The following RYR3 variants were observed in gnomAD, a reference collection of about 807,000 sequenced individuals.
The protein encoded by RYR3 is ryanodine receptor 3.
A neutral mutation model predicts 584.3 loss-of-function variants in RYR3; 207 were observed. The observed-to-expected ratio is 0.35, with a 90% CI of 0.32 to 0.40. The LOEUF is 0.40. Among genes scored for constraint, RYR3 ranks in the 10% least tolerant of loss-of-function variants. The pLI is 1.00. For synonymous variants in RYR3, 2,416 were observed against 2,248.5 expected, an observed-to-expected ratio of 1.07 and a Z score of -2.11; for missense variants, 5,616 against 6,089.2, an observed-to-expected ratio of 0.92 and a Z score of 2.59.
At chr15:33,584,855 C>T (rs967116215) in intron 15 of RYR3, among the ~76,000 whole-genome samples, 1 of 151,378 alleles carries the variant, frequency 6.6e-6, no homozygotes, top group African/African-American at 2.4e-5. Flanking sequence ...TTTTTAAACC[C>T]TTTTCAATGG....
intron 60 of RYR3, among the ~76,000 whole-genome samples, chr15:33,761,689 G>C (rs555192215): frequency 1.2e-4 from 18 of 152,266 alleles, no homozygotes; most frequent in Non-Finnish European, 4.4e-5. Flanking sequence ...AGAGGAGCTG[G>C]TACCATTTCT....
At chr15:33,623,673 T>C in intron 19 of RYR3, 134 bp from the exon 20 acceptor site, 2 of 645,176 alleles carry the variant, frequency 3.1e-6, no homozygotes, top group Non-Finnish European at 5.4e-6. Flanking sequence ...TTTGCTGTGG[T>C]TAACCTGAAG....
intron 10 of RYR3, among the ~76,000 whole-genome samples, chr15:33,557,446 G>A (rs904699745): frequency 9.9e-5 from 15 of 152,084 alleles, no homozygotes; most frequent in African/African-American, 3.4e-4. Flanking sequence ...GTGCAGTGGC[G>A]CGATCTTGGC....
At chr15:33,661,957 G>A (rs2152705628) in intron 34 of RYR3, among the ~76,000 whole-genome samples, 196 bp from the exon 35 acceptor site, 1 of 152,294 alleles carries the variant, frequency 6.6e-6, no homozygotes, top group South Asian at 2.1e-4. Flanking sequence ...TGAGAGCCTT[G>A]TAGTTAAATA....
At chr15:33,860,522 G>C (rs1259037025) in intron 100 of RYR3, 73 bp from the exon 101 acceptor site, 6 of 854,280 alleles carry the variant, frequency 7.0e-6, no homozygotes, top group African/African-American at 3.4e-5. Flanking sequence ...GAACAAAGTA[G>C]CTTCTTCCTT....
intron 1 of RYR3, among the ~76,000 whole-genome samples, chr15:33,385,690 T>TTTTTTTTCTTTTTCTTTTC: frequency 1.1e-4 from 1 of 9,100 alleles, no homozygotes; most frequent in Admixed American, 8.9e-4. Flanking sequence ...TTTTCTTTTC[T>TTTTTTTTCTTTTTCTTTTC]TTTTTTTTCT....
At chr15:33,426,304 G>A (rs13329442) in intron 1 of RYR3, among the ~76,000 whole-genome samples, 3,363 of 152,194 alleles carry the variant, frequency 0.022, 61 homozygotes, top group Non-Finnish European at 0.029. Context: ...TTAAGAAAAC[G>A]TGGCAAATGT....
At chr15:33,482,730 A>G (rs2050087447) in intron 2 of RYR3, among the ~76,000 whole-genome samples, 2 of 152,278 alleles carry the variant, frequency 1.3e-5, no homozygotes, top group Middle Eastern at 6.8e-3. Flanking sequence ...GGTTTCTAGC[A>G]ATCTGAATGA....
intron 38 of RYR3, among the ~76,000 whole-genome samples, chr15:33,689,367 A>T (rs6495212): frequency 0.98 from 148,347 of 151,982 alleles, 72,488 homozygotes; most frequent in Non-Finnish European, 1. Flanking sequence ...ACTTAAATTT[A>T]AAAAAAAAAT....
rs1322046155 is a variant in RYR3, at chr15:33,548,016, CCAAAAGGGCTTAGA to C, written c.741-110_741-97del. 15 of 715,476 alleles carry C rather than the reference CCAAAAGGGCTTAGA, an allele frequency of 2.1e-5. No homozygotes were observed. The African/African-American group carries it at 2.7e-4, about 13-fold the overall frequency. 44.3% of individuals were successfully genotyped at this position (715,476 alleles called of 1,614,324 possible). ...ATTCTGGCTTTGCATTCTGCTGACTCCAAAAGGGCTTAGACAAGCTCAGTACCTGAACAGCCTCT... is the reference window on the plus strand; with the variant it reads ...ATTCTGGCTTTGCATTCTGCTGACTCCAAGCTCAGTACCTGAACAGCCTCT... On this transcript the variant is annotated intron_variant, in intron 8 of 103. Coordinates refer to ENST00000634891, the MANE Select transcript of RYR3 (RefSeq NM_001036.6).
At chr15:33,659,595 GT>G in intron 32 of RYR3, 124 bp from the exon 33 acceptor site, 1 of 675,098 alleles carries the variant, frequency 1.5e-6, no homozygotes, top group Non-Finnish European at 2.7e-6. Flanking sequence ...TTTCTGAGCA[GT>G]GGAGAATGAC....
At chr15:33,568,791 T>C (rs2057858675) in intron 12 of RYR3, among the ~76,000 whole-genome samples, 1 of 152,208 alleles carries the variant, frequency 6.6e-6, no homozygotes, top group South Asian at 2.1e-4. Flanking sequence ...GCAGTTCAGT[T>C]TTAGAACATT....
At chr15:33,459,190 C>T (rs2047814445) in intron 1 of RYR3, among the ~76,000 whole-genome samples, 1 of 152,320 alleles carries the variant, frequency 6.6e-6, no homozygotes, top group South Asian at 2.1e-4. Context: ...GTATGATGCT[C>T]ACATATGGTT....
chr15:33,676,229 G>C (rs1213173604), intron 38 of RYR3, among the ~76,000 whole-genome samples: 2 of 103,468 alleles, frequency 1.9e-5, no homozygotes, highest in African/African-American at 8.0e-5. Flanking sequence ...AATGTACGCT[G>C]CCTCTAGAAG....
intron 27 of RYR3, among the ~76,000 whole-genome samples, chr15:33,637,211 A>G (rs2061543639): frequency 6.6e-6 from 1 of 152,224 alleles, no homozygotes; most frequent in African/African-American, 2.4e-5. Flanking sequence ...TATAGGGGAA[A>G]GAGTGTACTG....
intron 12 of RYR3, among the ~76,000 whole-genome samples, chr15:33,573,639 A>G (rs770676561): frequency 6.6e-6 from 1 of 152,228 alleles, no homozygotes; most frequent in Non-Finnish European, 1.5e-5. Context: ...AATATTCAGA[A>G]TCACCTGGGA....
At chr15:33,611,282 C>G (rs937261481) in intron 18 of RYR3, among the ~76,000 whole-genome samples, 1 of 152,120 alleles carries the variant, frequency 6.6e-6, no homozygotes, top group African/African-American at 2.4e-5. Flanking sequence ...TGGGGCTGGG[C>G]GCGGTGGCTC....
intron 3 of RYR3, among the ~76,000 whole-genome samples, chr15:33,508,920 T>C (rs1409103391): frequency 1.3e-5 from 2 of 152,204 alleles, no homozygotes; most frequent in Admixed American, 6.5e-5. Context: ...GAAGATGACA[T>C]GCCTGTGACT....
In RYR3 at chr15:33,768,827, T is replaced by A. The variant is rs73381177; in HGVS notation, c.8755+120T>A. ...CTTGGGACTAAGGTGTCACCTAAAT[T>A]TGCCATAGAAAATTGATCTGAAGCA... On this transcript the variant is annotated intron_variant, in intron 61 of 103. Transcript: ENST00000634891. 2,294 of 964,450 alleles carry A rather than the reference T, an allele frequency of 2.4e-3. 41 individuals carry two copies. In the African/African-American group the frequency reaches 0.033, roughly 14 times the overall value. The allele number at this position is 964,450 out of a possible 1,614,324, so 59.7% of individuals were successfully genotyped here.
Sources: allele counts gnomAD v4.1 joint callset (sites outside exome capture counted in the v4.1 genomes callset), GRCh38; gene constraint gnomAD v4.1.1; transcripts MANE v1.5; gene names NCBI Gene and HGNC (gene_info 2026-07-23, HGNC 2026-07-21).